The following CSMD1 variants were observed in gnomAD, a reference collection of about 807,000 sequenced individuals.
The protein encoded by CSMD1 is CUB and sushi domain-containing protein 1.
In CSMD1, 213 loss-of-function variants were observed where a neutral mutation model predicts 417.5. That is an observed-to-expected ratio of 0.51 (90% CI 0.46 to 0.57). The LOEUF is 0.57. Ranked by LOEUF, CSMD1 falls within the 20% of genes least tolerant of loss-of-function variation. CSMD1 has a pLI of 0.00. For missense variants in CSMD1, 6,923 were observed against 4,529.7 expected (o/e 1.53, Z -15.17); for synonymous variants, 2,862 against 1,736.8 (o/e 1.65, Z -16.11).
intron 2 of CSMD1, among the ~76,000 whole-genome samples, chr8:4,543,159 G>C (rs1482676234): frequency 2.0e-5 from 3 of 152,098 alleles, no homozygotes; most frequent in Non-Finnish European, 2.9e-5. Context: ...ATTGATTCAA[G>C]TCCATTATTG....
At chr8:3,431,681 G>C (rs564028233) in intron 12 of CSMD1, among the ~76,000 whole-genome samples, 19 of 152,256 alleles carry the variant, frequency 1.2e-4, no homozygotes, top group African/African-American at 4.3e-4. Context: ...GGTAACATAT[G>C]ACCCATAGTC....
chr8:4,793,398 G>A (rs1404605732), intron 1 of CSMD1, among the ~76,000 whole-genome samples: 19 of 152,024 alleles, frequency 1.2e-4, no homozygotes, highest in East Asian at 3.9e-4. Context: ...TTCAAAATAT[G>A]GTAAAAATTT....
At chr8:4,132,127 G>T (rs947298425) in intron 3 of CSMD1, among the ~76,000 whole-genome samples, 1 of 150,982 alleles carries the variant, frequency 6.6e-6, no homozygotes, top group Admixed American at 6.6e-5. Context: ...TGTCTTGACA[G>T]TAAGAACGAC....
intron 1 of CSMD1, among the ~76,000 whole-genome samples, chr8:4,812,533 G>C (rs1561356): frequency 0.065 from 9,942 of 152,012 alleles, 546 homozygotes; most frequent in East Asian, 0.24. Context: ...TTCTATGTTT[G>C]CAACAAAATA....
chr8:4,632,438 AGAG>A (rs1467284728), intron 2 of CSMD1, among the ~76,000 whole-genome samples: 1 of 152,096 alleles, frequency 6.6e-6, no homozygotes, highest in Non-Finnish European at 1.5e-5. Context: ...CTTAAACCGG[AGAG>A]GAGGAGATTG....
At chr8:3,314,506 G>A (rs4518689) in intron 23 of CSMD1, among the ~76,000 whole-genome samples, 1 of 152,036 alleles carries the variant, frequency 6.6e-6, no homozygotes, top group Non-Finnish European at 1.5e-5. Context: ...CTTTAAAAAA[G>A]ACTAAATCAC....
intron 5 of CSMD1, among the ~76,000 whole-genome samples, chr8:3,914,351 T>C (rs1230246535): frequency 6.6e-6 from 1 of 151,772 alleles, no homozygotes. Flanking sequence ...TCAGGATGTG[T>C]CCCATTACGT....
In CSMD1 at chr8:2,961,199, G is replaced by A. The variant is rs1803448702; in HGVS notation, c.9644C>T (p.Thr3215Ile). 1 of 1,597,056 alleles carries A rather than the reference G, an allele frequency of 6.3e-7. No homozygotes were observed. The highest frequency in any genetic ancestry group is 8.6e-7 in the Non-Finnish European group (1 of 1,168,860). The change falls in exon 62 of 70, where the codon ACC (threonine) becomes ATC (isoleucine). Residue 3215 changes from threonine (T) to isoleucine (I), a missense_variant. Transcript: ENST00000635120. ...QPTCIDPAHN[T>I]CPDPGTPHFG... ...GTGTGGCGTACCAGGGTCTGGGCAGGTGTTATGAGCAGGATCTGAAATTTG... is the reference window on the plus strand; with the variant it reads ...GTGTGGCGTACCAGGGTCTGGGCAGATGTTATGAGCAGGATCTGAAATTTG...
chr8:3,978,840 G>A (rs1436590991), intron 5 of CSMD1, among the ~76,000 whole-genome samples: 1 of 152,034 alleles, frequency 6.6e-6, no homozygotes, highest in Non-Finnish European at 1.5e-5. Context: ...GTCTCCTCTT[G>A]ATCCCTTCCC....
intron 12 of CSMD1, among the ~76,000 whole-genome samples, chr8:3,410,556 A>G (rs1224916255): frequency 2.0e-5 from 3 of 152,158 alleles, no homozygotes; most frequent in Non-Finnish European, 2.9e-5. Context: ...GCCTGCTGCC[A>G]TCATGTAAGA....
In CSMD1 at chr8:3,565,131, CAAAAAAAAAA is replaced by C. The variant is rs869248314; in HGVS notation, c.1344+9804_1344+9813del. On this transcript the variant is annotated intron_variant, in intron 10 of 69. Transcript: ENST00000635120. ...TACTTAACTCTGTAGTGCAAGACAG[CAAAAAAAAAA>C]AAAAAAAAAAAAAAAAAAAGAGAGA... Among the ~76,000 whole-genome samples, 67 of 10,456 alleles carry C rather than the reference CAAAAAAAAAA, an allele frequency of 6.4e-3. No homozygotes were observed. The East Asian group carries it at 0.076, about 12-fold the overall frequency. 6.9% of individuals were successfully genotyped at this position (10,456 alleles called of 152,430 possible).
At chr8:3,739,167 T>A (rs1440581574) in intron 6 of CSMD1, among the ~76,000 whole-genome samples, 1 of 152,230 alleles carries the variant, frequency 6.6e-6, no homozygotes, top group East Asian at 1.9e-4. Flanking sequence ...GCAGTTAAAG[T>A]ATCTGATGCA....
intron 2 of CSMD1, among the ~76,000 whole-genome samples, chr8:4,420,845 A>C (rs1367965041): frequency 2.0e-5 from 3 of 152,150 alleles, no homozygotes; most frequent in Non-Finnish European, 4.4e-5. Context: ...TTTATGTTAT[A>C]AAATCCACAA....
chr8:3,445,304 G>C (rs1815228904), intron 12 of CSMD1, among the ~76,000 whole-genome samples: 1 of 152,080 alleles, frequency 6.6e-6, no homozygotes, highest in African/African-American at 2.4e-5. Context: ...CTAAGGTAAG[G>C]GTACTAATAT....
intron 4 of CSMD1, among the ~76,000 whole-genome samples, chr8:4,030,313 A>C (rs1341504079): frequency 6.6e-6 from 1 of 152,194 alleles, no homozygotes; most frequent in East Asian, 1.9e-4. Context: ...GCAAACTTCT[A>C]TCTGGACATC....
chr8:3,222,777 T>C (rs1327078094), intron 28 of CSMD1, among the ~76,000 whole-genome samples: 2 of 152,232 alleles, frequency 1.3e-5, no homozygotes, highest in South Asian at 2.1e-4. Context: ...GGTAAATTTG[T>C]GGCAGTTTAG....
intron 5 of CSMD1, among the ~76,000 whole-genome samples, chr8:3,978,300 CA>C (rs1436838624): frequency 6.6e-6 from 1 of 152,180 alleles, no homozygotes; most frequent in Non-Finnish European, 1.5e-5. Flanking sequence ...ACACAAACCC[CA>C]CAAAAACAAC....
intron 41 of CSMD1, chr8:3,127,302 G>C (rs574208586): frequency 6.6e-6 from 1 of 152,320 alleles, no homozygotes; most frequent in African/African-American, 2.4e-5. Context: ...AACAGAGACT[G>C]AGTAAGCACC....
rs1011515099 is a variant in CSMD1, at chr8:4,699,953, C to A, written c.86-62395G>T. Among the ~76,000 whole-genome samples the A allele has an allele frequency of 1.2e-4, 19 of 152,314 alleles. No individual in the cohort carries two copies. The South Asian group carries it at 1.9e-3, about 15-fold the overall frequency. ...TACACAAGCTAGGATTAGAATAAGA[C>A]AGGCTTGGATTCTGTAATTCTCTCT... is the stretch of plus-strand genomic sequence containing the variant. On this transcript the variant is annotated intron_variant, in intron 1 of 69. Coordinates refer to ENST00000635120, the MANE Select transcript of CSMD1 (RefSeq NM_033225.6).
Sources: allele counts gnomAD v4.1 joint callset (sites outside exome capture counted in the v4.1 genomes callset), GRCh38; gene constraint gnomAD v4.1.1; transcripts MANE v1.5; gene names NCBI Gene and HGNC (gene_info 2026-07-23, HGNC 2026-07-21).